Variants in NDC1 observed in about 807,000 individuals in gnomAD.
NDC1 encodes NDC1 transmembrane nucleoporin.
NDC1 carries 24 observed loss-of-function variants against 89.8 expected under a neutral mutation model. That is an observed-to-expected ratio of 0.27 (90% CI 0.19 to 0.38). The LOEUF is 0.38. Among genes scored for constraint, NDC1 ranks in the 10% least tolerant of loss-of-function variants. The probability of loss-of-function intolerance (pLI) is 1.00; values close to 1 mark genes in which losing one functional copy is unlikely to be tolerated. For missense variants in NDC1, 728 were observed against 797.6 expected (o/e 0.91, Z 1.05); for synonymous variants, 296 against 284.8 (o/e 1.04, Z -0.39).
intron 15 of NDC1, among the ~76,000 whole-genome samples, chr1:53,788,419 C>A (rs1020570575): frequency 1.3e-5 from 2 of 151,490 alleles, no homozygotes; most frequent in Admixed American, 6.6e-5. Flanking sequence ...AACCTCGTCC[C>A]TACAAAAAAA....
intron 6 of NDC1, among the ~76,000 whole-genome samples, chr1:53,816,915 G>A (rs1490335262): frequency 6.6e-6 from 1 of 152,152 alleles, no homozygotes; most frequent in African/African-American, 2.4e-5. Flanking sequence ...AATGATCAGG[G>A]AAATGCAAAT....
intron 13 of NDC1, among the ~76,000 whole-genome samples, chr1:53,794,490 G>A (rs149450871): frequency 2.8e-4 from 42 of 152,234 alleles, no homozygotes; most frequent in African/African-American, 9.9e-4. Context: ...ATGGGATCCC[G>A]AAGTTTATGA....
intron 16 of NDC1, among the ~76,000 whole-genome samples, chr1:53,786,211 C>G (rs1647302263): frequency 6.6e-6 from 1 of 152,196 alleles, no homozygotes; most frequent in Admixed American, 6.5e-5. Context: ...TAGGTACAAG[C>G]CACTGCACCC....
At chr1:53,810,012 T>G (rs1170031322) in intron 6 of NDC1, among the ~76,000 whole-genome samples, 1 of 152,250 alleles carries the variant, frequency 6.6e-6, no homozygotes, top group Non-Finnish European at 1.5e-5. Context: ...AAACTCTAGT[T>G]ACTGTGGTAT....
intron 9 of NDC1, among the ~76,000 whole-genome samples, chr1:53,804,569 C>T (rs1260330077): frequency 1.3e-5 from 2 of 152,040 alleles, no homozygotes; most frequent in Non-Finnish European, 2.9e-5. Flanking sequence ...CTCCGCCTTA[C>T]GGGTTCAAGC....
At chr1:53,826,364 T>C (rs1416917747) in intron 4 of NDC1, among the ~76,000 whole-genome samples, 1 of 152,244 alleles carries the variant, frequency 6.6e-6, no homozygotes, top group Non-Finnish European at 1.5e-5. Flanking sequence ...CTACTGGATT[T>C]TGTGGGGCAC....
intron 16 of NDC1, among the ~76,000 whole-genome samples, chr1:53,776,140 A>G (rs1647160963): frequency 6.6e-6 from 1 of 152,056 alleles, no homozygotes; most frequent in Non-Finnish European, 1.5e-5. Context: ...TATTTTTAGT[A>G]GAGACGGGGT....
At chr1:53,816,067 C>A (rs1648464501) in intron 6 of NDC1, among the ~76,000 whole-genome samples, 1 of 152,058 alleles carries the variant, frequency 6.6e-6, no homozygotes, top group Admixed American at 6.6e-5. Context: ...CAGAATACCA[C>A]CATCATTCTT....
intron 11 of NDC1, among the ~76,000 whole-genome samples, chr1:53,798,045 T>C (rs1570188864): frequency 6.6e-6 from 1 of 151,792 alleles, no homozygotes; most frequent in East Asian, 1.9e-4. Flanking sequence ...AATTTAGTAA[T>C]AGAGTCTGTT....
At chr1:53,788,295 TCAAA>T (rs896642517) in intron 15 of NDC1, among the ~76,000 whole-genome samples, 4 of 151,930 alleles carry the variant, frequency 2.6e-5, no homozygotes, top group Admixed American at 2.0e-4. Flanking sequence ...CTCCATCTCT[TCAAA>T]CAAACAAACA....
chr1:53,789,630 T>A (rs1204228756), intron 14 of NDC1, among the ~76,000 whole-genome samples: 1 of 151,646 alleles, frequency 6.6e-6, no homozygotes, highest in Admixed American at 6.6e-5. Flanking sequence ...AAACCCTGTC[T>A]CTACTAAAAA....
At chr1:53,800,247 T>C (rs12239107) in intron 11 of NDC1, among the ~76,000 whole-genome samples, 2,429 of 151,808 alleles carry the variant, frequency 0.016, 66 homozygotes, top group African/African-American at 0.055. Flanking sequence ...CTTGGTTCAA[T>C]ATAAGATGCT....
At chr1:53,794,303 C>T (rs1020326042) in intron 13 of NDC1, among the ~76,000 whole-genome samples, 3 of 152,084 alleles carry the variant, frequency 2.0e-5, no homozygotes, top group Non-Finnish European at 4.4e-5. Context: ...GTTGACAATT[C>T]CGGGGGAAAA....
chr1:53,789,276 C>A, intron 14 of NDC1, 80 bp from the exon 15 acceptor site: 2 of 805,780 alleles, frequency 2.5e-6, no homozygotes, highest in South Asian at 1.8e-5. Context: ...ATATGTAGAC[C>A]ACAAAACAAA....
intron 9 of NDC1, among the ~76,000 whole-genome samples, chr1:53,806,157 T>C (rs17536501): frequency 0.047 from 7,134 of 152,334 alleles, 264 homozygotes; most frequent in Non-Finnish European, 0.067. Flanking sequence ...TATCACTGTA[T>C]TTTATGCTTG....
intron 5 of NDC1, among the ~76,000 whole-genome samples, chr1:53,823,301 A>G (rs1648736204): frequency 6.6e-6 from 1 of 152,166 alleles, no homozygotes; most frequent in African/African-American, 2.4e-5. Context: ...TGCCCCATAT[A>G]TATTTTTTGA....
rs997450154 is a variant in NDC1, at chr1:53,767,099, T to C, written c.*871A>G. The C allele has an allele frequency of 1.3e-5, 2 of 152,198 alleles. No homozygotes were observed. Among genetic ancestry groups the C allele is most frequent in the Admixed American group, 1.3e-4 (2 of 15,268 alleles). The allele number at this position is 152,198 out of a possible 1,614,324, so 9.4% of individuals were successfully genotyped here. ...TTCACAGAATTTGATCTAATGAAGA[T>C]GAATGGTGGGGAAAAAAGGGAACAT... On this transcript the variant is annotated 3_prime_UTR_variant, in exon 18 of 18. Transcript: ENST00000371429.
intron 16 of NDC1, among the ~76,000 whole-genome samples, chr1:53,777,670 C>T (rs1305108890): frequency 6.6e-6 from 1 of 152,148 alleles, no homozygotes; most frequent in Non-Finnish European, 1.5e-5. Flanking sequence ...ATTGCCTTAT[C>T]CTCAATTCTG....
chr1:53,828,973 G>A (rs760229282), intron 3 of NDC1, among the ~76,000 whole-genome samples: 2 of 152,038 alleles, frequency 1.3e-5, no homozygotes, highest in Admixed American at 6.6e-5. Flanking sequence ...ATCCACTTAC[G>A]AAAAATAAAC....
Sources: gnomAD v4.1 joint callset for allele counts (sites outside exome capture counted in the v4.1 genomes callset) on GRCh38, gnomAD v4.1.1 for gene constraint, MANE v1.5 for transcripts, NCBI Gene and HGNC (gene_info 2026-07-23, HGNC 2026-07-21) for gene names.